The following FZD6 variants were observed in gnomAD, a reference collection of about 807,000 sequenced individuals.
FZD6 encodes the protein frizzled class receptor 6, also known as frizzled-6.
In FZD6, 49 loss-of-function variants were observed where a neutral mutation model predicts 61.4. That is an observed-to-expected ratio of 0.80 (90% CI 0.63 to 1.01). The LOEUF is 1.01. Ranked by LOEUF, FZD6 falls within the 50% of genes least tolerant of loss-of-function variation. FZD6 has a pLI of 0.00. For synonymous variants in FZD6, 265 were observed against 292.2 expected, an observed-to-expected ratio of 0.91 and a Z score of 0.95; for missense variants, 724 against 848.2, an observed-to-expected ratio of 0.85 and a Z score of 1.82.
At chr8:103,313,248 G>A (rs1375903414) in intron 2 of FZD6, among the ~76,000 whole-genome samples, 1 of 152,212 alleles carries the variant, frequency 6.6e-6, no homozygotes, top group African/African-American at 2.4e-5. Flanking sequence ...TACCAAATAA[G>A]CCAAAGCTCT....
chr8:103,330,060 A>C lies in FZD6; in HGVS notation c.1947A>C (p.Glu649Asp). 6.2e-7 allele frequency: 1 copy of C among 1,613,336 alleles called. No individual in the cohort carries two copies. Among genetic ancestry groups the C allele is most frequent in the Non-Finnish European group, 8.5e-7 (1 of 1,179,234 alleles). ...GTGTATCTGAAAGTGCGCGGAGTGA[A>C]GGAAGGTGAGATTTGATTTTATGTA... ...AGSVSESARS[E>D]GRISPKSDIT... The change falls in exon 6 of 7, where the codon GAA becomes GAC. Residue 649 changes from glutamate to aspartate, a missense_variant. By Grantham distance (45) the Glu-to-Asp change is conservative. Coordinates refer to ENST00000358755, the MANE Select transcript of FZD6 (RefSeq NM_003506.4).
chr8:103,301,857 T>A (rs1814181690), intron 2 of FZD6, among the ~76,000 whole-genome samples: 1 of 152,248 alleles, frequency 6.6e-6, no homozygotes, highest in Non-Finnish European at 1.5e-5. Flanking sequence ...AAATTTTTTT[T>A]ACTTTCAAAA....
chr8:103,309,259 G>T (rs1814428975), intron 2 of FZD6, among the ~76,000 whole-genome samples: 1 of 152,200 alleles, frequency 6.6e-6, no homozygotes, highest in Admixed American at 6.5e-5. Context: ...CTGCTCTAAG[G>T]CAAGTTGGCA....
chr8:103,304,796 C>T (rs1029664304), intron 2 of FZD6, among the ~76,000 whole-genome samples: 2 of 152,202 alleles, frequency 1.3e-5, no homozygotes, highest in South Asian at 4.1e-4. Context: ...ATTGTGCATT[C>T]TTATGTTAAT....
intron 2 of FZD6, among the ~76,000 whole-genome samples, chr8:103,306,353 A>G (rs979396378): frequency 6.6e-6 from 1 of 152,210 alleles, no homozygotes; most frequent in Non-Finnish European, 1.5e-5. Flanking sequence ...TTTCCTATAC[A>G]GTAGTCCATT....
Position 103,329,923 on chromosome 8 carries a change from G to T in FZD6, c.1810G>T (p.Gly604Ter). Residue 604 changes from glycine to a stop codon, truncating the protein, a stop_gained, in exon 6 of 7, where the codon GGA (glycine) becomes TGA (stop). Coordinates refer to ENST00000358755, the MANE Select transcript of FZD6 (RefSeq NM_003506.4). LOFTEE classifies it high-confidence loss of function. ...ATCAATGAGAGAGGTGAAAGCGGAC[G>T]GAGCTAGCACCCCCAGGTTAAGAGA... ...ETSMREVKAD[G>*]ASTPRLREQD... The T allele has an allele frequency of 6.2e-7, 1 of 1,614,094 alleles. No homozygotes were observed. The highest frequency in any genetic ancestry group is 8.5e-7 in the Non-Finnish European group (1 of 1,180,004).
Position 103,331,325 on chromosome 8 carries a change from T to C in FZD6, c.1953-16T>C. 2 of 1,599,938 alleles carry C rather than the reference T, an allele frequency of 1.3e-6. No individual in the cohort carries two copies. Among genetic ancestry groups the C allele is most frequent in the Non-Finnish European group, 1.7e-6 (2 of 1,167,034 alleles). Reference sequence around the variant, plus strand: ...TTTGTGGATGTGTGTGTGTCAACTTTTTTTCTTTTATCTAGGATTAGTCCA... The same window carrying C: ...TTTGTGGATGTGTGTGTGTCAACTTCTTTTCTTTTATCTAGGATTAGTCCA... On this transcript the variant is annotated splice_polypyrimidine_tract_variant and intron_variant, in intron 6 of 6. Transcript: ENST00000358755.
intron 2 of FZD6, among the ~76,000 whole-genome samples, chr8:103,314,984 A>G (rs1181035296): frequency 2.0e-5 from 3 of 152,214 alleles, no homozygotes; most frequent in Non-Finnish European, 4.4e-5. Flanking sequence ...TTAGTTGGCC[A>G]TACTGATGAA....
Position 103,330,079 on chromosome 8 carries a change from T to C in FZD6, c.1952+14T>C, listed in dbSNP as rs1317730810. 6.2e-7 allele frequency: 1 copy of C among 1,606,006 alleles called. No individual in the cohort carries two copies. Among genetic ancestry groups the C allele is most frequent in the Non-Finnish European group, 8.5e-7 (1 of 1,172,590 alleles). ...GAGTGAAGGAAGGTGAGATTTGATT[T>C]TATGTAAAATCATCACTATTTTAAA... On this transcript the variant is annotated intron_variant, in intron 6 of 6. Coordinates refer to ENST00000358755, the MANE Select transcript of FZD6 (RefSeq NM_003506.4).
At chr8:103,328,820 A>G (rs754345951) in intron 5 of FZD6, among the ~76,000 whole-genome samples, 1 of 151,400 alleles carries the variant, frequency 6.6e-6, no homozygotes, top group Non-Finnish European at 1.5e-5. Context: ...TTAAGTATAT[A>G]TAAAGAAACC....
At position 103,324,619 on chromosome 8, in the gene FZD6, A is replaced by G. The variant is rs761602677; in HGVS notation, c.513A>G (p.Gln171=). The change falls in exon 4 of 7, where the codon CAA becomes CAG. Residue 171 remains glutamine, a synonymous_variant. Coordinates refer to ENST00000358755, the MANE Select transcript of FZD6 (RefSeq NM_003506.4). The part of the protein sequence containing the change: ...CPRHLKTSGG[Q]GYKFLGIDQC... ...GGCATCTTAAGACTTCTGGGGGACA[A>G]GGATATAAGTTTCTGGGAATTGACC... 6.2e-7 allele frequency: 1 copy of G among 1,614,160 alleles called. No individual in the cohort carries two copies. The highest frequency in any genetic ancestry group is 8.5e-7 in the Non-Finnish European group (1 of 1,179,998).
At chr8:103,319,720 T>C (rs1413505602) in intron 3 of FZD6, among the ~76,000 whole-genome samples, 1 of 152,192 alleles carries the variant, frequency 6.6e-6, no homozygotes, top group Admixed American at 6.5e-5. Context: ...ATAGTAAATG[T>C]GTGTCCTGAA....
intron 2 of FZD6, among the ~76,000 whole-genome samples, chr8:103,307,196 C>G (rs1814360473): frequency 6.6e-6 from 1 of 152,158 alleles, no homozygotes; most frequent in Non-Finnish European, 1.5e-5. Context: ...CCAAATAGTT[C>G]CTTCTTTTGA....
Position 103,325,497 on chromosome 8 carries a change from A to G in FZD6, c.1391A>G (p.Gln464Arg). ...CRQYHIPCPY[Q>R]AKAKARPELA... ...CAGTACCATATCCCATGTCCTTATC[A>G]GGTAAAAGCTATCACTTGGATTATG... The change falls in exon 4 of 7, where the codon CAG becomes CGG. Residue 464 changes from glutamine to arginine, a missense_variant and splice_region_variant. By Grantham distance (43) the Gln-to-Arg change is conservative (BLOSUM62 1). Coordinates refer to ENST00000358755, the MANE Select transcript of FZD6 (RefSeq NM_003506.4). 1.2e-6 allele frequency: 2 copies of G among 1,602,544 alleles called. No homozygotes were observed. Among genetic ancestry groups the G allele is most frequent in the Non-Finnish European group, 1.7e-6 (2 of 1,169,562 alleles).
intron 5 of FZD6, 59 bp from the exon 6 acceptor site, chr8:103,329,596 C>A (rs1359100926): frequency 1.6e-5 from 21 of 1,287,740 alleles, no homozygotes; most frequent in Non-Finnish European, 2.3e-5. Context: ...CCTTTATATC[C>A]TCTACTTTAT....
chr8:103,305,721 T>C (rs1023941505), intron 2 of FZD6, among the ~76,000 whole-genome samples: 1 of 152,240 alleles, frequency 6.6e-6, no homozygotes, highest in African/African-American at 2.4e-5. Context: ...GTTTTAAAGG[T>C]AGAAACCTTC....
intron 4 of FZD6, among the ~76,000 whole-genome samples, chr8:103,327,518 C>G (rs1479825134): frequency 6.6e-6 from 1 of 152,128 alleles, no homozygotes; most frequent in Non-Finnish European, 1.5e-5. Flanking sequence ...ATTGCTTGAA[C>G]GCGGGAGGCG....
chr8:103,329,207 TCA>T (rs1225221714), intron 5 of FZD6, among the ~76,000 whole-genome samples: 1 of 151,154 alleles, frequency 6.6e-6, no homozygotes, highest in Non-Finnish European at 1.5e-5. Flanking sequence ...ATTTATATAC[TCA>T]CACTAATTTC....
At chr8:103,303,595 GA>G (rs1429726931) in intron 2 of FZD6, among the ~76,000 whole-genome samples, 1 of 151,886 alleles carries the variant, frequency 6.6e-6, no homozygotes, top group Non-Finnish European at 1.5e-5. Flanking sequence ...GCTAAATAAA[GA>G]AAAAGGTAGG....
Sources: allele counts gnomAD v4.1 joint callset (sites outside exome capture counted in the v4.1 genomes callset), GRCh38; gene constraint gnomAD v4.1.1; transcripts MANE v1.5; gene names NCBI Gene and HGNC (gene_info 2026-07-23, HGNC 2026-07-21).